The following EFL1 variants were observed in gnomAD, a reference collection of about 807,000 sequenced individuals.
EFL1 encodes the protein elongation factor like GTPase 1.
Under a neutral mutation model 126.7 loss-of-function variants are expected in EFL1, and 76 were observed. The observed-to-expected ratio is 0.60, with a 90% CI of 0.50 to 0.73. The LOEUF (loss-of-function observed/expected upper bound fraction) is 0.73. Among genes scored for constraint, EFL1 ranks in the 30% least tolerant of loss-of-function variants. The pLI is 0.00. For missense variants in EFL1, 1,128 were observed against 1,343.2 expected (o/e 0.84, Z 2.50); for synonymous variants, 410 against 448.4 (o/e 0.91, Z 1.08).
rs900621884 is a variant in EFL1, at chr15:82,151,526, T to C, written c.2928A>G (p.Lys976=). The C allele has an allele frequency of 4.3e-6, 7 of 1,613,998 alleles. No individual in the cohort carries two copies. Among genetic ancestry groups the C allele is most frequent in the South Asian group, 1.1e-5 (1 of 91,058 alleles). The change falls in exon 18 of 20, where the codon AAA becomes AAG. Residue 976 remains lysine, a synonymous_variant. Coordinates refer to ENST00000268206, the MANE Select transcript of EFL1 (RefSeq NM_024580.6). ...KEACRYALQV[K]PQRLMAAMYT... ...ACATAGCTGCCATCAGGCGCTGAGG[T>C]TTCACTTGCAGTGCATAGCGACATG...
At chr15:82,172,744 T>C (rs2074150151) in intron 15 of EFL1, among the ~76,000 whole-genome samples, 2 of 152,168 alleles carry the variant, frequency 1.3e-5, no homozygotes, top group African/African-American at 4.8e-5. Flanking sequence ...ATCAATACCA[T>C]ATATCTGTAT....
intron 15 of EFL1, among the ~76,000 whole-genome samples, chr15:82,186,067 C>T (rs946359748): frequency 1.3e-4 from 19 of 151,746 alleles, no homozygotes; most frequent in African/African-American, 4.6e-4. Context: ...TTACTAGTAT[C>T]TTCTTTTTTT....
At chr15:82,207,598 A>G (rs147166563) in intron 15 of EFL1, among the ~76,000 whole-genome samples, 2,726 of 152,228 alleles carry the variant, frequency 0.018, 28 homozygotes, top group Non-Finnish European at 0.026. Context: ...GTGTTTTCTT[A>G]CCACAATTTT....
chr15:82,131,610 G>A (rs951503903), intron 19 of EFL1, among the ~76,000 whole-genome samples: 6 of 151,972 alleles, frequency 3.9e-5, no homozygotes, highest in Admixed American at 6.5e-5. Context: ...GACCAACATG[G>A]AGAAACCCTG....
At chr15:82,160,484 T>C (rs962109533) in intron 16 of EFL1, among the ~76,000 whole-genome samples, 14 of 152,212 alleles carry the variant, frequency 9.2e-5, no homozygotes, top group African/African-American at 3.4e-4. Flanking sequence ...CAAATCAATA[T>C]TATCTATAAT....
chr15:82,189,552 T>C (rs1407718840), intron 15 of EFL1, among the ~76,000 whole-genome samples: 5 of 152,326 alleles, frequency 3.3e-5, no homozygotes, highest in Admixed American at 3.3e-4. Context: ...CTGGATGTTC[T>C]AGAATATTTT....
In EFL1 at chr15:82,259,205, T is replaced by C. The variant is rs1567082618; in HGVS notation, c.92-50A>G. On this transcript the variant is annotated intron_variant, in intron 2 of 19. Coordinates refer to ENST00000268206, the MANE Select transcript of EFL1 (RefSeq NM_024580.6). ...AAATCTATATCTTTTTTAAAAGGGG[T>C]CATGGATCATACCTATAGATTTAAA... 4.7e-6 allele frequency: 7 copies of C among 1,483,308 alleles called. No individual in the cohort carries two copies. In the East Asian group the frequency reaches 6.8e-5, roughly 14 times the overall value. 91.9% of individuals were successfully genotyped at this position (1,483,308 alleles called of 1,614,324 possible). A position where few individuals can be genotyped will look rare whatever the true frequency, so the allele number is the denominator to read the frequency against.
At chr15:82,239,933 T>G (rs62012050) in intron 6 of EFL1, among the ~76,000 whole-genome samples, 39,364 of 152,112 alleles carry the variant, frequency 0.26, 5,515 homozygotes, top group Non-Finnish European at 0.31. Context: ...TCTCCAAATA[T>G]CTCTTTGTCT....
intron 15 of EFL1, among the ~76,000 whole-genome samples, chr15:82,167,971 T>C (rs1288668505): frequency 6.6e-6 from 1 of 152,204 alleles, no homozygotes; most frequent in African/African-American, 2.4e-5. Context: ...ACCTTTGCAG[T>C]AAATGCAAGT....
chr15:82,256,819 G>T (rs919739620), intron 3 of EFL1, among the ~76,000 whole-genome samples: 1 of 152,074 alleles, frequency 6.6e-6, no homozygotes, highest in Admixed American at 6.5e-5. Flanking sequence ...GGATAAACTC[G>T]ATTTGGATAT....
chr15:82,232,886 T>C (rs1368873795), intron 7 of EFL1, among the ~76,000 whole-genome samples: 1 of 152,168 alleles, frequency 6.6e-6, no homozygotes, highest in Admixed American at 6.5e-5. Context: ...ATTTCTGGTG[T>C]GGTTTCTATT....
chr15:82,133,206 G>A (rs1268345526), intron 19 of EFL1, among the ~76,000 whole-genome samples: 3 of 152,146 alleles, frequency 2.0e-5, no homozygotes, highest in Non-Finnish European at 2.9e-5. Flanking sequence ...AGAAGAAAGG[G>A]AGCCTGCATC....
chr15:82,144,966 T>A (rs1314814840), intron 18 of EFL1, among the ~76,000 whole-genome samples: 1 of 148,096 alleles, frequency 6.8e-6, no homozygotes, highest in Non-Finnish European at 1.5e-5. Flanking sequence ...GTACTCCAGC[T>A]GGGCAACAGA....
chr15:82,256,630 T>G (rs2075069180), intron 3 of EFL1, among the ~76,000 whole-genome samples: 1 of 152,194 alleles, frequency 6.6e-6, no homozygotes, highest in Non-Finnish European at 1.5e-5. Context: ...AGGTTTTTTA[T>G]AAATATCCCA....
At chr15:82,132,547 G>GT (rs34341015) in intron 19 of EFL1, among the ~76,000 whole-genome samples, 7 of 150,292 alleles carry the variant, frequency 4.7e-5, no homozygotes, top group Non-Finnish European at 6.0e-5. Context: ...AGAGCAGCCA[G>GT]GGGGCACAGA....
chr15:82,130,444 T>A lies in EFL1; in HGVS notation c.3292A>T (p.Lys1098Ter). The change falls in exon 20 of 20, where the codon AAG becomes TAG. Residue 1098 changes from lysine (K) to a stop codon, truncating the protein, a stop_gained. Transcript: ENST00000268206. LOFTEE classifies it high-confidence loss of function. ...RKYMNAVRKR[K>*]GLYVEEKIVE... The stretch of plus-strand genomic sequence containing the variant: ...ATCTTTTCTTCCACATAAAGCCCCT[T>A]CCGCTTTCGTACTGCGTTCATGTAC... 1 of 1,614,186 alleles carries A rather than the reference T, an allele frequency of 6.2e-7. No homozygotes were observed. The highest frequency in any genetic ancestry group is 8.5e-7 in the Non-Finnish European group (1 of 1,180,038).
At chr15:82,261,286 T>C (rs1429481746) in intron 2 of EFL1, among the ~76,000 whole-genome samples, 1 of 152,166 alleles carries the variant, frequency 6.6e-6, no homozygotes, top group Non-Finnish European at 1.5e-5. Context: ...CTCATAAATC[T>C]CCACCTTCAG....
chr15:82,235,878 A>C (rs1219727227), intron 7 of EFL1, among the ~76,000 whole-genome samples: 1 of 152,180 alleles, frequency 6.6e-6, no homozygotes, highest in African/African-American at 2.4e-5. Flanking sequence ...CAGCATGCAG[A>C]TAGAAAAGGA....
At chr15:82,136,093 C>G (rs1238093624) in intron 19 of EFL1, among the ~76,000 whole-genome samples, 1 of 151,440 alleles carries the variant, frequency 6.6e-6, no homozygotes, top group Non-Finnish European at 1.5e-5. Flanking sequence ...ATGAAGGGAA[C>G]TTTATACATT....
Sources: gnomAD v4.1 joint callset for allele counts (sites outside exome capture counted in the v4.1 genomes callset) on GRCh38, gnomAD v4.1.1 for gene constraint, MANE v1.5 for transcripts, NCBI Gene and HGNC (gene_info 2026-07-23, HGNC 2026-07-21) for gene names.